The following WDR49 variants were observed in gnomAD, a reference collection of about 807,000 sequenced individuals.
The protein encoded by WDR49 is WD repeat domain 49.
Under a neutral mutation model 119.5 loss-of-function variants are expected in WDR49, and 107 were observed. The ratio of observed to expected loss-of-function variants is 0.90; its 90% CI spans 0.77 to 1.05. WDR49 has a LOEUF of 1.05. Ranked by LOEUF, WDR49 falls within the 50% of genes least tolerant of loss-of-function variation. The pLI is 0.00. For missense variants in WDR49, 1,240 were observed against 1,220.5 expected, an observed-to-expected ratio of 1.02 and a Z score of -0.24; for synonymous variants, 425 against 418.8, an observed-to-expected ratio of 1.01 and a Z score of -0.18.
At chr3:167,555,440 C>T (rs570137640) in intron 9 of WDR49, among the ~76,000 whole-genome samples, 226 of 152,168 alleles carry the variant, frequency 1.5e-3, no homozygotes, top group Middle Eastern at 3.4e-3. Flanking sequence ...CCCTGAGTTC[C>T]GTAAGCCACT....
intron 8 of WDR49, chr3:167,575,360 A>C: frequency 1.1e-6 from 1 of 909,244 alleles, no homozygotes; most frequent in South Asian, 5.0e-5. Flanking sequence ...GTGGTCCCCT[A>C]AGCCAAGGCT....
intron 2 of WDR49, 123 bp downstream of exon 2, chr3:167,653,138 T>C: frequency 2.6e-6 from 3 of 1,167,208 alleles, no homozygotes; most frequent in Non-Finnish European, 3.6e-6. Context: ...CCAATTATTT[T>C]TAATTCTCTG....
At chr3:167,501,482 T>A (rs187303516) in intron 17 of WDR49, among the ~76,000 whole-genome samples, 18 of 152,292 alleles carry the variant, frequency 1.2e-4, no homozygotes, top group Middle Eastern at 3.4e-3. Context: ...CGTGTAATCC[T>A]AACAAAAACT....
At chr3:167,603,500 T>C (rs907841290) in intron 6 of WDR49, among the ~76,000 whole-genome samples, 3 of 152,192 alleles carry the variant, frequency 2.0e-5, no homozygotes, top group African/African-American at 7.2e-5. Context: ...GGGAATTTTA[T>C]GGACACAGCT....
At chr3:167,610,403 G>A (rs771470022) in intron 5 of WDR49, among the ~76,000 whole-genome samples, 1 of 152,234 alleles carries the variant, frequency 6.6e-6, no homozygotes, top group Non-Finnish European at 1.5e-5. Context: ...TAGTCAGGAA[G>A]TACTCTTTTT....
intron 7 of WDR49, among the ~76,000 whole-genome samples, chr3:167,590,095 G>T (rs1003247054): frequency 6.6e-6 from 1 of 151,932 alleles, no homozygotes. Context: ...AACTTTTTGA[G>T]TTTTTTAAAT....
At chr3:167,552,633 C>T (rs1712641468) in intron 10 of WDR49, among the ~76,000 whole-genome samples, 1 of 151,880 alleles carries the variant, frequency 6.6e-6, no homozygotes, top group Admixed American at 6.6e-5. Flanking sequence ...CAGTCAGACA[C>T]GTACAGCAAG....
At chr3:167,648,510 A>G (rs1718230693) in intron 2 of WDR49, among the ~76,000 whole-genome samples, 1 of 152,204 alleles carries the variant, frequency 6.6e-6, no homozygotes, top group African/African-American at 2.4e-5. Context: ...CACAAAATAC[A>G]ATTAGACACA....
At chr3:167,508,258 CA>C (rs1311821357) in intron 16 of WDR49, among the ~76,000 whole-genome samples, 4 of 152,250 alleles carry the variant, frequency 2.6e-5, no homozygotes, top group African/African-American at 9.6e-5. Flanking sequence ...AATAATTTGT[CA>C]ATATTTTCAC....
Position 167,620,635 on chromosome 3 carries a change from T to C in WDR49, c.784-32A>G, listed in dbSNP as rs778774341. ...AGAGACATTGAAAGAACAACAATCG[T>C]GGACGGGATATTTGTTGCAAGAAGA... is the stretch of plus-strand genomic sequence containing the variant. On this transcript the variant is annotated intron_variant, in intron 4 of 18. Transcript: ENST00000682715. The C allele has an allele frequency of 1.1e-5, 16 of 1,503,302 alleles. No homozygotes were observed. In the South Asian group the frequency reaches 2.0e-4, roughly 19 times the overall value. 93.1% of individuals were successfully genotyped at this position (1,503,302 alleles called of 1,614,324 possible).
Position 167,522,378 on chromosome 3 carries a change from G to C in WDR49, c.2711C>G (p.Ser904Cys), listed in dbSNP as rs754207856. 6.2e-7 allele frequency: 1 copy of C among 1,610,442 alleles called. No individual in the cohort carries two copies. The highest frequency in any genetic ancestry group is 8.5e-7 in the Non-Finnish European group (1 of 1,178,902). The change falls in exon 16 of 19, where the codon TCT (serine) becomes TGT (cysteine). Residue 904 changes from serine (S) to cysteine (C), a missense_variant. Coordinates refer to ENST00000682715, the MANE Select transcript of WDR49 (RefSeq NM_001366157.1). ...AGAATGTTCTGTTGGGTCTAAACAA[G>C]ATTCCTCCTTAGAAAATAAAGAAAT... ...KEISLFSKEE[S>C]CLDPTEHSLL...
intron 7 of WDR49, among the ~76,000 whole-genome samples, chr3:167,580,144 A>AT (rs1714460766): frequency 6.6e-6 from 1 of 152,090 alleles, no homozygotes; most frequent in Admixed American, 6.6e-5. Context: ...AAAACTAGAA[A>AT]TTTTTTTCAG....
At chr3:167,510,862 A>G (rs758841678) in intron 16 of WDR49, among the ~76,000 whole-genome samples, 4 of 125,694 alleles carry the variant, frequency 3.2e-5, no homozygotes, top group Non-Finnish European at 6.4e-5. Context: ...CCATCTAAAC[A>G]TACCCCCACC....
intron 6 of WDR49, among the ~76,000 whole-genome samples, 192 bp from the exon 7 acceptor site, chr3:167,602,467 GA>G: frequency 6.6e-6 from 1 of 152,206 alleles, no homozygotes; most frequent in South Asian, 2.1e-4. Context: ...AGAAATAGTT[GA>G]AATGGAGGGA....
chr3:167,491,922 A>G (rs1191026974), intron 18 of WDR49, among the ~76,000 whole-genome samples: 1 of 152,192 alleles, frequency 6.6e-6, no homozygotes, highest in Admixed American at 6.5e-5. Flanking sequence ...TGGCTAAAAC[A>G]TCACCTGGGG....
At chr3:167,520,727 A>G (rs1339062843) in intron 16 of WDR49, among the ~76,000 whole-genome samples, 3 of 152,206 alleles carry the variant, frequency 2.0e-5, no homozygotes, top group Non-Finnish European at 2.9e-5. Flanking sequence ...GTTTAATACA[A>G]AAGTATTTCT....
intron 8 of WDR49, among the ~76,000 whole-genome samples, 171 bp from the exon 9 acceptor site, chr3:167,560,399 C>G (rs987137505): frequency 2.6e-5 from 4 of 152,272 alleles, no homozygotes; most frequent in Non-Finnish European, 5.9e-5. Context: ...TCAATTTTGA[C>G]TAGACCTGAG....
At chr3:167,616,478 C>G (rs1716600424) in intron 5 of WDR49, among the ~76,000 whole-genome samples, 2 of 151,966 alleles carry the variant, frequency 1.3e-5, no homozygotes, top group South Asian at 4.2e-4. Flanking sequence ...AAGAAATTTC[C>G]AAACTATCAG....
intron 7 of WDR49, among the ~76,000 whole-genome samples, chr3:167,588,702 GC>G (rs1455782623): frequency 6.6e-6 from 1 of 152,048 alleles, no homozygotes; most frequent in Non-Finnish European, 1.5e-5. Context: ...ATAATATCGA[GC>G]ACCTTTTCAT....
Sources: allele counts gnomAD v4.1 joint callset (sites outside exome capture counted in the v4.1 genomes callset), GRCh38; gene constraint gnomAD v4.1.1; transcripts MANE v1.5; gene names NCBI Gene and HGNC (gene_info 2026-07-23, HGNC 2026-07-21).